The following SNAPC4 variants were observed in gnomAD, a reference collection of about 807,000 sequenced individuals.
The protein encoded by SNAPC4 is snRNA-activating protein complex subunit 4.
Under a neutral mutation model 151.3 loss-of-function variants are expected in SNAPC4, and 127 were observed. That is an observed-to-expected ratio of 0.84 (90% CI 0.73 to 0.97). SNAPC4 has a LOEUF of 0.97. Among genes scored for constraint, SNAPC4 ranks in the 50% least tolerant of loss-of-function variants. The pLI, the probability that SNAPC4 is intolerant of heterozygous loss-of-function variation, is 0.00. For synonymous variants in SNAPC4, 1,002 were observed against 824.4 expected (o/e 1.22, Z -3.69); for missense variants, 2,186 against 1,935.0 (o/e 1.13, Z -2.43).
At chr9:136,393,670 C>T (rs1159015175) in intron 7 of SNAPC4, among the ~76,000 whole-genome samples, 1 of 151,400 alleles carries the variant, frequency 6.6e-6, no homozygotes, top group African/African-American at 2.5e-5. Context: ...CACCTCTCAT[C>T]GTGGCCGTGT....
In SNAPC4 at chr9:136,378,895, C is replaced by G; in HGVS notation, c.2932G>C (p.Asp978His). 1 of 1,611,320 alleles carries G rather than the reference C, an allele frequency of 6.2e-7. No individual in the cohort carries two copies. The highest frequency in any genetic ancestry group is 8.5e-7 in the Non-Finnish European group (1 of 1,179,604). ...SWQEAGTSAKDKRLSTMQALP... is the reference protein window; with the variant it reads ...SWQEAGTSAKHKRLSTMQALP... ...GCTTGCATGGTGGAGAGTCTCTTGT[C>G]CTTGGCTGAAGTCCCAGCCTCCTGC... Residue 978 changes from aspartate to histidine, a missense_variant, in exon 22 of 24, where the codon GAC becomes CAC. Asp to His is a moderately conservative substitution (Grantham distance 81). Transcript: ENST00000684778.
chr9:136,397,588 T>A (rs1475317166), intron 2 of SNAPC4, among the ~76,000 whole-genome samples: 1 of 89,038 alleles, frequency 1.1e-5, no homozygotes, highest in African/African-American at 4.4e-5. Flanking sequence ...GTGGGGAGCC[T>A]ATGGGGTGGG....
intron 1 of SNAPC4, among the ~76,000 whole-genome samples, chr9:136,399,621 G>A (rs535223849): frequency 4.6e-5 from 7 of 152,304 alleles, no homozygotes; most frequent in Admixed American, 2.0e-4. Context: ...GGTCATGAGG[G>A]CTGCCCACCA....
chr9:136,385,617 G>A (rs527932197), intron 13 of SNAPC4, among the ~76,000 whole-genome samples: 6 of 151,692 alleles, frequency 4.0e-5, no homozygotes, highest in East Asian at 3.9e-4. Flanking sequence ...GTGCAGTGGC[G>A]CAATCTCAGC....
In SNAPC4 at chr9:136,380,867, G is replaced by A. The variant is rs1833664157; in HGVS notation, c.2389-17C>T. ...GTGGAACAGCTGCGGGACACAGGAG[G>A]CAACCTAACCATAGCTGCTTTCGGG... On this transcript the variant is annotated splice_polypyrimidine_tract_variant and intron_variant, in intron 19 of 23. Transcript: ENST00000684778. 3 of 1,466,260 alleles carry A rather than the reference G, an allele frequency of 2.0e-6. No individual in the cohort carries two copies. Among genetic ancestry groups the A allele is most frequent in the Non-Finnish European group, 2.9e-6 (3 of 1,045,806 alleles). 90.8% of individuals were successfully genotyped at this position (1,466,260 alleles called of 1,614,324 possible). A position where few individuals can be genotyped will look rare whatever the true frequency, so the allele number is the denominator to read the frequency against.
intron 1 of SNAPC4, among the ~76,000 whole-genome samples, chr9:136,399,892 C>T (rs931639180): frequency 1.3e-5 from 2 of 152,136 alleles, no homozygotes; most frequent in African/African-American, 4.8e-5. Flanking sequence ...GCCGCCCCGC[C>T]GGAGCCTCCT....
intron 3 of SNAPC4, among the ~76,000 whole-genome samples, chr9:136,396,115 CG>C (rs1037246356): frequency 1.8e-4 from 27 of 152,354 alleles, no homozygotes; most frequent in African/African-American, 6.5e-4. Flanking sequence ...GAGCCCCTGT[CG>C]TGTGCATCAC....
intron 23 of SNAPC4, 37 bp downstream of exon 23, chr9:136,376,312 G>A (rs773934105): frequency 8.7e-6 from 14 of 1,608,962 alleles, no homozygotes; most frequent in Non-Finnish European, 1.2e-5. Flanking sequence ...TCTGTCCCCT[G>A]GGTTGTAGGG....
chr9:136,381,226 C>T (rs1310764710), intron 19 of SNAPC4, 96 bp downstream of exon 19: 28 of 980,224 alleles, frequency 2.9e-5, no homozygotes, highest in Non-Finnish European at 4.2e-5. Flanking sequence ...CTTTAGATAG[C>T]TAGACTTTAA....
chr9:136,398,315 C>G lies in SNAPC4; in HGVS notation c.114G>C (p.Glu38Asp). ...GGGGCTTACCTGCTTCAGAATCTGA[C>G]TCGAGACTTGATTCTGAGATCTCCA... is the stretch of plus-strand genomic sequence containing the variant. ...SHVEISESSLESDSEADSLPS... is the reference protein window; with the variant it reads ...SHVEISESSLDSDSEADSLPS... The change falls in exon 2 of 24, where the codon GAG becomes GAC. Residue 38 changes from glutamate to aspartate, a missense_variant. Transcript: ENST00000684778. The G allele has an allele frequency of 1.2e-6, 2 of 1,612,186 alleles. No individual in the cohort carries two copies.
Position 136,394,867 on chromosome 9 carries a change from G to A in SNAPC4, c.483C>T (p.Ala161=), listed in dbSNP as rs1364545176. Residue 161 remains alanine, a synonymous_variant, in exon 6 of 24, where the codon GCC becomes GCT. Coordinates refer to ENST00000684778, the MANE Select transcript of SNAPC4 (RefSeq NM_003086.4). ...KDKVTGVGPP[A]NEDTREKAAQ... The stretch of plus-strand genomic sequence containing the variant: ...CAGCCTTCTCTCGTGTGTCCTCGTT[G>A]GCAGGTGGCCCCTGTCAGGGTGCAC... 6.2e-7 allele frequency: 1 copy of A among 1,613,670 alleles called. No homozygotes were observed. Among genetic ancestry groups the A allele is most frequent in the East Asian group, 2.2e-5 (1 of 44,896 alleles).
At position 136,378,848 on chromosome 9, in the gene SNAPC4, G is replaced by A; in HGVS notation, c.2979C>T (p.Phe993=). ...TMQALPLAPV[F]SEAEGTAPAA... Reference sequence around the variant, plus strand: ...CAGGGGCTGTGCCCTCGGCCTCTGAGAAGACAGGAGCGAGGGGCAGGGCTT... The same window carrying A: ...CAGGGGCTGTGCCCTCGGCCTCTGAAAAGACAGGAGCGAGGGGCAGGGCTT... The change falls in exon 22 of 24, where the codon TTC becomes TTT. Residue 993 remains phenylalanine (F), a synonymous_variant. Transcript: ENST00000684778. 3.7e-6 allele frequency: 6 copies of A among 1,607,954 alleles called. No homozygotes were observed. The highest frequency in any genetic ancestry group is 1.7e-5 in the Admixed American group (1 of 59,500).
rs558196892 is a variant in SNAPC4, at chr9:136,378,536, G to A, written c.3291C>T (p.Pro1097=). 5 of 1,592,848 alleles carry A rather than the reference G, an allele frequency of 3.1e-6. No homozygotes were observed. The African/African-American group carries it at 4.0e-5, about 13-fold the overall frequency. ...PVPVPAVVSL[P]RPAGTPGPAG... ...CGGGGCCAGGGGTCCCTGCTGGCCT[G>A]GGAAGGCTCACCACAGCTGGTACAG... Residue 1097 remains proline, a synonymous_variant, in exon 22 of 24, where the codon CCC becomes CCT. Transcript: ENST00000684778.
chr9:136,397,156 G>A, intron 2 of SNAPC4, 133 bp from the exon 3 acceptor site: 2 of 800,066 alleles, frequency 2.5e-6, no homozygotes, highest in South Asian at 1.4e-5. Flanking sequence ...GGCTGGCGGT[G>A]AGCGGACCTT....
chr9:136,377,700 G>A lies in SNAPC4; in HGVS notation c.4127C>T (p.Ala1376Val), dbSNP rs773213695. 1.2e-5 allele frequency: 20 copies of A among 1,608,716 alleles called. No homozygotes were observed. Among genetic ancestry groups the A allele is most frequent in the African/African-American group, 5.3e-5 (4 of 74,864 alleles). Residue 1376 changes from alanine (A) to valine (V), a missense_variant, in exon 22 of 24, where the codon GCG becomes GTG. Transcript: ENST00000684778. ...ARFLAAFTLP[A>V]LLATLAPQGV... ...TTGGGGGGCCAGGGTGGCCAGGAGC[G>A]CAGGGAGGGTGAAGGCTGCCAGGAA... is the stretch of plus-strand genomic sequence containing the variant.
intron 3 of SNAPC4, among the ~76,000 whole-genome samples, chr9:136,396,217 G>A (rs1302865685): frequency 6.6e-6 from 1 of 152,224 alleles, no homozygotes; most frequent in Non-Finnish European, 1.5e-5. Context: ...GGGAGGTGAG[G>A]TGCCCACAGG....
At chr9:136,397,532 G>A (rs987282302) in intron 2 of SNAPC4, among the ~76,000 whole-genome samples, 4 of 146,748 alleles carry the variant, frequency 2.7e-5, no homozygotes, top group East Asian at 4.0e-4. Flanking sequence ...GGAGCATGGA[G>A]GAGAGCATGT....
chr9:136,384,515 G>C (rs1380609467), intron 14 of SNAPC4, among the ~76,000 whole-genome samples: 1 of 152,154 alleles, frequency 6.6e-6, no homozygotes, highest in African/African-American at 2.4e-5. Context: ...CGGGTGTGGT[G>C]GCACACACCT....
rs1833619253 is a variant in SNAPC4 at position 136,379,751 on chromosome 9, G to A, written c.2527+86C>T. The A allele has an allele frequency of 6.4e-6, 8 of 1,250,840 alleles. No individual in the cohort carries two copies. The Admixed American group carries it at 9.1e-5, about 14-fold the overall frequency. 77.5% of individuals were successfully genotyped at this position (1,250,840 alleles called of 1,614,324 possible). ...ACAGGCTGTGCTGCTTGGGGGCTGT[G>A]GGTGAAAGCCAGGGCCAGGTTAGGC... On this transcript the variant is annotated intron_variant, in intron 21 of 23. Transcript: ENST00000684778.
Sources: gnomAD v4.1 joint callset for allele counts (sites outside exome capture counted in the v4.1 genomes callset) on GRCh38, gnomAD v4.1.1 for gene constraint, MANE v1.5 for transcripts, NCBI Gene and HGNC (gene_info 2026-07-23, HGNC 2026-07-21) for gene names.